Variants in SLC41A2 observed in about 807,000 individuals in gnomAD.
The protein encoded by SLC41A2 is SLC41A1-like 1.
A neutral mutation model predicts 58.3 loss-of-function variants in SLC41A2; 32 were observed. The ratio of observed to expected loss-of-function variants is 0.55; its 90% CI spans 0.41 to 0.74. The LOEUF (loss-of-function observed/expected upper bound fraction) is 0.74, where lower values mean the gene tolerates loss of function less well. Ranked by LOEUF, SLC41A2 falls within the 30% of genes least tolerant of loss-of-function variation. SLC41A2 has a pLI of 0.00. For missense variants in SLC41A2, 514 were observed against 680.6 expected, an observed-to-expected ratio of 0.76 and a Z score of 2.72; for synonymous variants, 190 against 235.0, an observed-to-expected ratio of 0.81 and a Z score of 1.75.
chr12:104,868,132 T>C (rs1390082965), intron 6 of SLC41A2, among the ~76,000 whole-genome samples: 1 of 152,090 alleles, frequency 6.6e-6, no homozygotes, highest in Non-Finnish European at 1.5e-5. Context: ...TTTTAAAAGA[T>C]GAAAAAAACC....
chr12:104,915,007 G>T lies in SLC41A2; in HGVS notation c.556-5245C>A, dbSNP rs527645803. On this transcript the variant is annotated intron_variant, in intron 2 of 10. Transcript: ENST00000258538. Reference sequence around the variant, plus strand: ...TTACCATGATCCAGTATGTGCTCTGGAGCTATGAACCTGCCGTAAAGTATG... The same window carrying T: ...TTACCATGATCCAGTATGTGCTCTGTAGCTATGAACCTGCCGTAAAGTATG... Among the ~76,000 whole-genome samples the T allele has an allele frequency of 2.4e-4, 36 of 152,244 alleles. 2 individuals carry two copies. The South Asian group carries it at 7.5e-3, about 32-fold the overall frequency.
intron 8 of SLC41A2, among the ~76,000 whole-genome samples, chr12:104,849,076 A>G (rs553062854): frequency 1.3e-5 from 2 of 152,350 alleles, no homozygotes; most frequent in South Asian, 2.1e-4. Flanking sequence ...CCACATGATT[A>G]AAGACCTCGT....
At chr12:104,901,469 GTAAGA>G (rs1388952255) in intron 3 of SLC41A2, among the ~76,000 whole-genome samples, 1 of 152,004 alleles carries the variant, frequency 6.6e-6, no homozygotes, top group East Asian at 1.9e-4. Flanking sequence ...TTTGACTCAA[GTAAGA>G]TGGCAAGATA....
intron 6 of SLC41A2, among the ~76,000 whole-genome samples, chr12:104,878,114 C>T (rs2044145909): frequency 6.6e-6 from 1 of 151,786 alleles, no homozygotes; most frequent in African/African-American, 2.4e-5. Context: ...GTACTTAATT[C>T]TGTAACATTA....
At chr12:104,901,615 T>C (rs543484372) in intron 3 of SLC41A2, among the ~76,000 whole-genome samples, 1 of 152,160 alleles carries the variant, frequency 6.6e-6, no homozygotes, top group East Asian at 1.9e-4. Context: ...AGTGGCCCCA[T>C]CTCAGTTCAC....
At chr12:104,810,202 T>C (rs1019672146) in intron 10 of SLC41A2, among the ~76,000 whole-genome samples, 1 of 152,006 alleles carries the variant, frequency 6.6e-6, no homozygotes, top group Non-Finnish European at 1.5e-5. Context: ...TTAAAAAAAA[T>C]TTGGCTATCT....
At chr12:104,946,657 C>T (rs2047729759) in intron 1 of SLC41A2, among the ~76,000 whole-genome samples, 1 of 152,146 alleles carries the variant, frequency 6.6e-6, no homozygotes, top group Admixed American at 6.5e-5. Flanking sequence ...GTACTTTATG[C>T]TATGTTTGAA....
intron 6 of SLC41A2, among the ~76,000 whole-genome samples, chr12:104,876,158 CT>C (rs201562627): frequency 5.9e-5 from 9 of 151,346 alleles, no homozygotes; most frequent in Non-Finnish European, 1.0e-4. Flanking sequence ...TCAGTCTTCT[CT>C]TTTTTTTTCT....
At position 104,804,624 on chromosome 12, in the gene SLC41A2, A is replaced by C. The variant is rs946321768; in HGVS notation, c.*528T>G. 1 of 152,442 alleles carries C rather than the reference A, an allele frequency of 6.6e-6. No individual in the cohort carries two copies. The highest frequency in any genetic ancestry group is 1.5e-5 in the Non-Finnish European group (1 of 68,102). The allele number at this position is 152,442 out of a possible 1,614,324, so 9.4% of individuals were successfully genotyped here. The stretch of plus-strand genomic sequence containing the variant: ...AAGTGAGTTTATCTTATGCTCAGCA[A>C]AACATATTTAGGTCAGTTTAAATAT... On this transcript the variant is annotated 3_prime_UTR_variant, in exon 11 of 11. Coordinates refer to ENST00000258538, the MANE Select transcript of SLC41A2 (RefSeq NM_001352171.3).
At chr12:104,955,339 C>T (rs920600473) in intron 1 of SLC41A2, among the ~76,000 whole-genome samples, 6 of 150,380 alleles carry the variant, frequency 4.0e-5, no homozygotes, top group Admixed American at 2.0e-4. Flanking sequence ...TGATTACCCT[C>T]GCTACCTGAT....
At chr12:104,942,977 C>T (rs2047568929) in intron 1 of SLC41A2, among the ~76,000 whole-genome samples, 1 of 152,120 alleles carries the variant, frequency 6.6e-6, no homozygotes, top group South Asian at 2.1e-4. Context: ...CAAAAGTATA[C>T]TTCCATACTT....
At chr12:104,895,367 T>G (rs751874651) in intron 3 of SLC41A2, 22 bp from the exon 4 acceptor site, 127 of 1,554,376 alleles carry the variant, frequency 8.2e-5, no homozygotes, top group African/African-American at 4.1e-5. Context: ...GATATTTTCA[T>G]GTATCACTGA....
chr12:104,922,188 T>G (rs1451842075), intron 2 of SLC41A2, among the ~76,000 whole-genome samples: 2 of 152,124 alleles, frequency 1.3e-5, no homozygotes, highest in Non-Finnish European at 1.5e-5. Flanking sequence ...TAATACTGAA[T>G]GTAAATTACT....
intron 10 of SLC41A2, among the ~76,000 whole-genome samples, chr12:104,813,053 C>T (rs939790400): frequency 2.8e-4 from 43 of 152,024 alleles, no homozygotes; most frequent in Admixed American, 1.6e-3. Flanking sequence ...GTGGTGCACG[C>T]CTGTAATCCC....
intron 10 of SLC41A2, among the ~76,000 whole-genome samples, chr12:104,810,185 G>A (rs2041109478): frequency 6.6e-6 from 1 of 151,950 alleles, no homozygotes; most frequent in African/African-American, 2.4e-5. Context: ...AAGACCAAAA[G>A]CAGAACTTAA....
At chr12:104,861,860 G>C (rs1285852094) in intron 7 of SLC41A2, among the ~76,000 whole-genome samples, 2 of 152,142 alleles carry the variant, frequency 1.3e-5, no homozygotes, top group Non-Finnish European at 2.9e-5. Flanking sequence ...ATTAAAACTA[G>C]ATATTGTTAG....
At chr12:104,862,163 A>G (rs923494921) in intron 7 of SLC41A2, among the ~76,000 whole-genome samples, 1 of 152,220 alleles carries the variant, frequency 6.6e-6, no homozygotes, top group Non-Finnish European at 1.5e-5. Flanking sequence ...AATGAACTAC[A>G]TGCTGTCACA....
intron 4 of SLC41A2, among the ~76,000 whole-genome samples, chr12:104,894,759 T>C (rs1401951010): frequency 6.6e-6 from 1 of 152,132 alleles, no homozygotes; most frequent in Non-Finnish European, 1.5e-5. Flanking sequence ...CATCTAAGAT[T>C]AGAAAAAGCT....
At chr12:104,907,862 C>G (rs2045919261) in intron 3 of SLC41A2, among the ~76,000 whole-genome samples, 1 of 152,118 alleles carries the variant, frequency 6.6e-6, no homozygotes, top group African/African-American at 2.4e-5. Context: ...TCACTAATAC[C>G]AGATATTTCA....
Sources: gnomAD v4.1 joint callset for allele counts (sites outside exome capture counted in the v4.1 genomes callset) on GRCh38, gnomAD v4.1.1 for gene constraint, MANE v1.5 for transcripts, NCBI Gene and HGNC (gene_info 2026-07-23, HGNC 2026-07-21) for gene names.